The following ATP8A2 variants were observed in gnomAD, a reference collection of about 807,000 sequenced individuals.
The protein encoded by ATP8A2 is ATPase phospholipid transporting 8A2, also known as phospholipid-transporting ATPase IB.
A neutral mutation model predicts 165.6 loss-of-function variants in ATP8A2; 100 were observed. The ratio of observed to expected loss-of-function variants is 0.60; its 90% CI spans 0.51 to 0.71. The LOEUF is 0.71. Ranked by LOEUF, ATP8A2 falls within the 30% of genes least tolerant of loss-of-function variation. The pLI, the probability that ATP8A2 is intolerant of heterozygous loss-of-function variation, is 0.00. For synonymous variants in ATP8A2, 543 were observed against 548.8 expected (o/e 0.99, Z 0.15); for missense variants, 1,227 against 1,479.5 (o/e 0.83, Z 2.80).
chr13:25,706,871 GT>G (rs954197903), intron 25 of ATP8A2, among the ~76,000 whole-genome samples: 39 of 152,070 alleles, frequency 2.6e-4, no homozygotes, highest in African/African-American at 9.4e-4. Flanking sequence ...TTTTAGATAG[GT>G]TTTTTTAAAT....
rs115260883 is a variant in ATP8A2 at position 25,865,891 on chromosome 13, G to A, written c.3183+3483G>A. ...TCTATCCTGGGGAATGCCAGTCCTC[G>A]GCTATGGAAAATACATGATGATGTT... On this transcript the variant is annotated intron_variant, in intron 33 of 36. Coordinates refer to ENST00000381655, the MANE Select transcript of ATP8A2 (RefSeq NM_016529.6). 8.5e-3 allele frequency among the ~76,000 whole-genome samples: 1,295 copies of A among 152,208 alleles called. 13 individuals are homozygous for A. The highest frequency in any genetic ancestry group is 0.029 in the African/African-American group (1,214 of 41,520).
chr13:25,713,134 G>T (rs1420719794), intron 25 of ATP8A2, among the ~76,000 whole-genome samples: 1 of 152,076 alleles, frequency 6.6e-6, no homozygotes, highest in Non-Finnish European at 1.5e-5. Flanking sequence ...AATGATGTAC[G>T]CTTCTCTTTT....
intron 33 of ATP8A2, among the ~76,000 whole-genome samples, chr13:25,930,818 A>G (rs113125766): frequency 1.3e-5 from 2 of 152,142 alleles, no homozygotes; most frequent in Non-Finnish European, 2.9e-5. Context: ...GCTGCCATGC[A>G]TGGGCCTTAG....
At chr13:25,508,073 G>A (rs2037107083) in intron 2 of ATP8A2, among the ~76,000 whole-genome samples, 2 of 151,610 alleles carry the variant, frequency 1.3e-5, no homozygotes, top group Non-Finnish European at 2.9e-5. Context: ...ACATAAGACA[G>A]TACTGTAAAA....
intron 25 of ATP8A2, among the ~76,000 whole-genome samples, chr13:25,730,295 A>G (rs1193130073): frequency 3.3e-5 from 5 of 152,138 alleles, no homozygotes; most frequent in African/African-American, 1.2e-4. Context: ...CTGTCTCAAC[A>G]ACAACAACAA....
chr13:25,984,615 C>A lies in ATP8A2; in HGVS notation c.3377+15936C>A, dbSNP rs1458068442. Among the ~76,000 whole-genome samples the A allele has an allele frequency of 4.7e-4, 69 of 146,106 alleles. No individual in the cohort carries two copies. In the East Asian group the frequency reaches 5.1e-3, roughly 11 times the overall value. ...TTTGTCTCAAAAAAAAAAAAACAAA[C>A]AAAAACAACAAACAAAAACGAAACA... is the stretch of plus-strand genomic sequence containing the variant. On this transcript the variant is annotated intron_variant, in intron 35 of 36. Transcript: ENST00000381655.
chr13:25,564,103 T>C, intron 16 of ATP8A2, 72 bp downstream of exon 16: 1 of 1,126,136 alleles, frequency 8.9e-7, no homozygotes. Context: ...ATGCATGTAG[T>C]ATTTTGCAAG....
intron 15 of ATP8A2, among the ~76,000 whole-genome samples, chr13:25,561,055 T>G (rs1398842561): frequency 6.6e-6 from 1 of 151,780 alleles, no homozygotes; most frequent in African/African-American, 2.4e-5. Flanking sequence ...CCCAGCTAAT[T>G]TTTTGTATTT....
intron 2 of ATP8A2, among the ~76,000 whole-genome samples, chr13:25,471,142 AT>A (rs1284094063): frequency 1.3e-5 from 2 of 152,218 alleles, no homozygotes; most frequent in Non-Finnish European, 2.9e-5. Context: ...CAAAAAGATG[AT>A]TTTCTAAAAG....
intron 27 of ATP8A2, among the ~76,000 whole-genome samples, chr13:25,811,823 T>C (rs1950878387): frequency 6.6e-6 from 1 of 152,190 alleles, no homozygotes; most frequent in South Asian, 2.1e-4. Flanking sequence ...ATTGTGCCAC[T>C]GCACTCCAGC....
chr13:25,594,397 A>G (rs1465891828), intron 24 of ATP8A2, among the ~76,000 whole-genome samples: 1 of 152,132 alleles, frequency 6.6e-6, no homozygotes, highest in Non-Finnish European at 1.5e-5. Context: ...AAACCTTGCC[A>G]GGATTTATGT....
At chr13:25,680,376 G>C (rs189323509) in intron 24 of ATP8A2, among the ~76,000 whole-genome samples, 2 of 152,320 alleles carry the variant, frequency 1.3e-5, no homozygotes, top group Non-Finnish European at 2.9e-5. Context: ...GTCACCAGAA[G>C]TGGGGAAGAG....
At chr13:25,802,083 C>A (rs1259548123) in intron 27 of ATP8A2, among the ~76,000 whole-genome samples, 1 of 152,100 alleles carries the variant, frequency 6.6e-6, no homozygotes, top group Non-Finnish European at 1.5e-5. Flanking sequence ...GAGGACACAG[C>A]CAAACCATAT....
At chr13:25,625,833 A>T (rs1195131713) in intron 24 of ATP8A2, among the ~76,000 whole-genome samples, 1 of 152,190 alleles carries the variant, frequency 6.6e-6, no homozygotes, top group African/African-American at 2.4e-5. Context: ...ACAACAGCCT[A>T]TGATGTGAAT....
chr13:25,591,528 A>G (rs750353310), intron 24 of ATP8A2, among the ~76,000 whole-genome samples: 1 of 151,766 alleles, frequency 6.6e-6, no homozygotes. Context: ...TTGCATGCCT[A>G]TACTACATTT....
chr13:25,705,452 G>A (rs1360871088), intron 25 of ATP8A2: 2 of 163,900 alleles, frequency 1.2e-5, no homozygotes, highest in African/African-American at 4.8e-5. Context: ...CACCGCGGCA[G>A]GGATTTCCAC....
At chr13:25,494,700 T>A (rs929812100) in intron 2 of ATP8A2, among the ~76,000 whole-genome samples, 3 of 152,246 alleles carry the variant, frequency 2.0e-5, no homozygotes, top group Admixed American at 6.5e-5. Context: ...AAAACTGATT[T>A]GAAGCTTCTG....
chr13:25,513,078 G>A (rs1182180998), intron 2 of ATP8A2, among the ~76,000 whole-genome samples: 5 of 151,078 alleles, frequency 3.3e-5, no homozygotes, highest in South Asian at 2.1e-4. Flanking sequence ...CCTCCCTCCC[G>A]GACGGGGTGG....
At position 25,623,533 on chromosome 13, in the gene ATP8A2, A is replaced by G. The variant is rs149010856; in HGVS notation, c.2211+33834A>G. ...TTAAGAAGAAAAGATTTGAAAGGTA[A>G]ATAGAAAAATCTTGTAAATTCACCA... On this transcript the variant is annotated intron_variant, in intron 24 of 36. Transcript: ENST00000381655. Among the ~76,000 whole-genome samples the G allele has an allele frequency of 1.1e-3, 168 of 152,296 alleles. 2 individuals are homozygous for G. The highest frequency in any genetic ancestry group is 3.8e-3 in the African/African-American group (160 of 41,566).
Sources: allele counts gnomAD v4.1 joint callset (sites outside exome capture counted in the v4.1 genomes callset), GRCh38; gene constraint gnomAD v4.1.1; transcripts MANE v1.5; gene names NCBI Gene and HGNC (gene_info 2026-07-23, HGNC 2026-07-21).